Variants in GNL3 observed in about 807,000 individuals in gnomAD.
GNL3 encodes guanine nucleotide-binding protein-like 3.
Under a neutral mutation model 70.6 loss-of-function variants are expected in GNL3, and 77 were observed. That is an observed-to-expected ratio of 1.09 (90% confidence interval 0.91 to 1.32). The LOEUF (loss-of-function observed/expected upper bound fraction) is 1.32, where lower values mean the gene tolerates loss of function less well. Among genes scored for constraint, GNL3 ranks in the 40% most tolerant of loss-of-function variants. GNL3 has a pLI of 0.00. For synonymous variants in GNL3, 252 were observed against 216.1 expected, an observed-to-expected ratio of 1.17 and a Z score of -1.46; for missense variants, 634 against 644.0, an observed-to-expected ratio of 0.98 and a Z score of 0.17.
In GNL3 at chr3:52,693,261, T is replaced by C. The variant is rs747330955; in HGVS notation, c.1119T>C (p.Gly373=). 1.9e-6 allele frequency: 3 copies of C among 1,613,940 alleles called. No homozygotes were observed. Among genetic ancestry groups the C allele is most frequent in the Non-Finnish European group, 2.5e-6 (3 of 1,179,896 alleles). The part of the protein sequence containing the change: ...EFFTVLAQRR[G]MHQKGGIPNV... ...TTACTGTGCTTGCTCAGAGAAGAGG[T>C]ATGCACCAAAAAGGTGGAATCCCAA... Residue 373 remains glycine, a synonymous_variant, in exon 11 of 15, where the codon GGT becomes GGC. Transcript: ENST00000418458.
chr3:52,688,364 A>T (rs73839131), intron 5 of GNL3, among the ~76,000 whole-genome samples, 172 bp downstream of exon 5: 8 of 152,344 alleles, frequency 5.3e-5, no homozygotes, highest in African/African-American at 1.9e-4. Context: ...TATTAAGCCT[A>T]GTACGACATT....
At chr3:52,687,681 T>C in intron 4 of GNL3, 66 bp downstream of exon 4, 3 of 914,470 alleles carry the variant, frequency 3.3e-6, no homozygotes, top group South Asian at 1.5e-5. Flanking sequence ...TGCTTGGGCC[T>C]GAGTGCAGTG....
intron 9 of GNL3, 107 bp from the exon 10 acceptor site, chr3:52,692,765 C>A: frequency 1.2e-6 from 1 of 829,998 alleles, no homozygotes; most frequent in Non-Finnish European, 2.1e-6. Flanking sequence ...TAAACTGGAT[C>A]TGACTGACTG....
At position 52,693,410 on chromosome 3, in the gene GNL3, C is replaced by T; in HGVS notation, c.1190C>T (p.Ala397Val). 2 of 1,613,950 alleles carry T rather than the reference C, an allele frequency of 1.2e-6. No individual in the cohort carries two copies. The highest frequency in any genetic ancestry group is 1.7e-6 in the Non-Finnish European group (2 of 1,179,882). ...ACACATCTTATTTTTAATATCAGTG[C>T]CTCATTAGCTTACTATTGCCATCCC... ...AKLLWSEWTG[A>V]SLAYYCHPPT... Residue 397 changes from alanine to valine, a missense_variant and splice_region_variant, in exon 12 of 15, where the codon GCC becomes GTC. Ala to Val is a moderately conservative substitution (Grantham distance 64, BLOSUM62 0). Coordinates refer to ENST00000418458, the MANE Select transcript of GNL3 (RefSeq NM_014366.5).
chr3:52,689,258 GA>G (rs2097325021), intron 6 of GNL3, 52 bp downstream of exon 6: 1 of 1,494,880 alleles, frequency 6.7e-7, no homozygotes, highest in Non-Finnish European at 9.3e-7. Flanking sequence ...GAGGTACGAG[GA>G]AACAGTCTGA....
In GNL3 at chr3:52,687,490, T is replaced by C. The variant is rs375780931; in HGVS notation, c.211-12T>C. The C allele has an allele frequency of 3.1e-6, 5 of 1,603,896 alleles. No homozygotes were observed. In the African/African-American group the frequency reaches 4.0e-5, roughly 13 times the overall value. On this transcript the variant is annotated splice_polypyrimidine_tract_variant and intron_variant, in intron 3 of 14. Coordinates refer to ENST00000418458, the MANE Select transcript of GNL3 (RefSeq NM_014366.5). ...GTCACTGGTTCACCTATTTCCCTTA[T>C]GGCTCTGACAGCTTGAAGAACTAAA...
chr3:52,691,458 G>A, intron 8 of GNL3, 84 bp from the exon 9 acceptor site: 1 of 820,618 alleles, frequency 1.2e-6, no homozygotes, highest in Non-Finnish European at 2.1e-6. Context: ...CTAAACATCA[G>A]GGAAATGGAA....
chr3:52,686,849 G>A (rs2097315304), intron 2 of GNL3, 22 bp downstream of exon 2: 1 of 1,555,524 alleles, frequency 6.4e-7, no homozygotes, highest in African/African-American at 1.4e-5. Context: ...GCTTGAGAGA[G>A]CTGTACCAAA....
chr3:52,690,977 C>G lies in GNL3; in HGVS notation c.687C>G (p.Phe229Leu), dbSNP rs752705548. ...AGGCAAAGAAGAATGCTGCTCCATT[C>G]AGAAGTGAAGTCTGCTTTGGGAAAG... Reference protein sequence around the residue: ...RVKAKKNAAPFRSEVCFGKEG... With the variant: ...RVKAKKNAAPLRSEVCFGKEG... The change falls in exon 8 of 15, where the codon TTC (phenylalanine) becomes TTG (leucine). Residue 229 changes from phenylalanine (F) to leucine (L), a missense_variant. Coordinates refer to ENST00000418458, the MANE Select transcript of GNL3 (RefSeq NM_014366.5). 3.7e-6 allele frequency: 6 copies of G among 1,613,750 alleles called. No individual in the cohort carries two copies. Among genetic ancestry groups the G allele is most frequent in the South Asian group, 1.1e-5 (1 of 91,076 alleles).
In GNL3 at chr3:52,693,037, T is replaced by G; in HGVS notation, c.1035T>G (p.Asp345Glu). Residue 345 changes from aspartate to glutamate, a missense_variant, in exon 10 of 15, where the codon GAT (aspartate) becomes GAG (glutamate). By Grantham distance (45) the Asp-to-Glu change is conservative (BLOSUM62 2). Coordinates refer to ENST00000418458, the MANE Select transcript of GNL3 (RefSeq NM_014366.5). Reference sequence around the variant, plus strand: ...CCAGTGCCATCCTTTCCCAGGCTGATGCTCGACAGGTAAAAGGACCCCTTC... The same window carrying G: ...CCAGTGCCATCCTTTCCCAGGCTGAGGCTCGACAGGTAAAAGGACCCCTTC... ...EAASAILSQA[D>E]ARQVVLKYTV... 1 of 1,614,194 alleles carries G rather than the reference T, an allele frequency of 6.2e-7. No homozygotes were observed. Among genetic ancestry groups the G allele is most frequent in the South Asian group, 1.1e-5 (1 of 91,088 alleles).
intron 6 of GNL3, among the ~76,000 whole-genome samples, chr3:52,689,987 C>T (rs1393182309): frequency 6.6e-6 from 1 of 152,176 alleles, no homozygotes; most frequent in Non-Finnish European, 1.5e-5. Context: ...AAGGTAAATT[C>T]TGGAAACATA....
Position 52,694,344 on chromosome 3 carries a change from A to C in GNL3, c.*69A>C. 1.2e-6 allele frequency: 1 copy of C among 852,080 alleles called. No individual in the cohort carries two copies. Among genetic ancestry groups the C allele is most frequent in the Non-Finnish European group, 1.9e-6 (1 of 524,958 alleles). The allele number at this position is 852,080 out of a possible 1,614,324, so 52.8% of individuals were successfully genotyped here. A position where few individuals can be genotyped will look rare whatever the true frequency, so the allele number is the denominator to read the frequency against. On this transcript the variant is annotated 3_prime_UTR_variant, in exon 15 of 15. Transcript: ENST00000418458. ...AGACTGCTAAACTGTTCTCTGTATA[A>C]GTTATGGTATGCATGAGCTGTGTAA...
intron 9 of GNL3, 45 bp from the exon 10 acceptor site, chr3:52,692,827 C>A (rs373826440): frequency 1.3e-6 from 2 of 1,506,384 alleles, no homozygotes; most frequent in African/African-American, 1.4e-5. Flanking sequence ...CTCTTAACCT[C>A]CAAATAGACC....
Position 52,694,199 on chromosome 3 carries a change from A to G in GNL3, c.1574A>G (p.Gln525Arg), listed in dbSNP as rs1333185939. 1.2e-6 allele frequency: 2 copies of G among 1,601,266 alleles called. No individual in the cohort carries two copies. Among genetic ancestry groups the G allele is most frequent in the Non-Finnish European group, 8.6e-7 (1 of 1,168,760 alleles). Residue 525 changes from glutamine to arginine, a missense_variant, in exon 15 of 15, where the codon CAG becomes CGG. Transcript: ENST00000418458. ...ALSEETTAGE[Q>R]STRSFILDKI... ...TTATTTTCCTGCAATATAGGTGAACAGTCTACAAGGTCTTTTATCTTGGAT... is the reference window on the plus strand; with the variant it reads ...TTATTTTCCTGCAATATAGGTGAACGGTCTACAAGGTCTTTTATCTTGGAT...
chr3:52,688,564 C>A (rs576528182), intron 5 of GNL3, among the ~76,000 whole-genome samples: 2 of 152,016 alleles, frequency 1.3e-5, no homozygotes, highest in Non-Finnish European at 1.5e-5. Context: ...TAAAAAAAAA[C>A]GTTGACATAG....
intron 5 of GNL3, chr3:52,688,771 A>G (rs2097324566): frequency 5.5e-6 from 2 of 364,912 alleles, no homozygotes; most frequent in African/African-American, 2.1e-5. Context: ...TGGCAAGGCC[A>G]GAAGGACCTA....
intron 6 of GNL3, among the ~76,000 whole-genome samples, chr3:52,690,267 CT>C (rs1436806381): frequency 1.3e-5 from 2 of 151,998 alleles, no homozygotes; most frequent in African/African-American, 4.8e-5. Flanking sequence ...ATGTCTTTTT[CT>C]TTTTTTCTTT....
chr3:52,692,859 G>A lies in GNL3; in HGVS notation c.870-13G>A, dbSNP rs375095543. The A allele has an allele frequency of 2.9e-5, 46 of 1,605,524 alleles. No homozygotes were observed. In the African/African-American group the frequency reaches 3.5e-4, roughly 12 times the overall value. On this transcript the variant is annotated splice_polypyrimidine_tract_variant and intron_variant, in intron 9 of 14. Transcript: ENST00000418458. ...GACCAATGCCCCCATCAATTCCATC[G>A]CTCTTCTTTCAGGAGCATGCAAGTT...
At chr3:52,693,840 T>C in intron 13 of GNL3, 33 bp downstream of exon 13, 1 of 1,568,572 alleles carries the variant, frequency 6.4e-7, no homozygotes. Context: ...AAAACTGAAG[T>C]GAGTTTTCTA....
Sources: gnomAD v4.1 joint callset for allele counts (sites outside exome capture counted in the v4.1 genomes callset) on GRCh38, gnomAD v4.1.1 for gene constraint, MANE v1.5 for transcripts, NCBI Gene and HGNC (gene_info 2026-07-23, HGNC 2026-07-21) for gene names.